FNIP1: variants seen among roughly 807,000 people sequenced by gnomAD.
FNIP1 encodes folliculin interacting protein 1.
In FNIP1, 40 loss-of-function variants were observed where a neutral mutation model predicts 124.5. The observed-to-expected ratio is 0.32, with a 90% CI of 0.25 to 0.42. The LOEUF is 0.42. Ranked by LOEUF, FNIP1 falls within the 10% of genes least tolerant of loss-of-function variation. FNIP1 has a pLI of 1.00. For missense variants in FNIP1, 1,176 were observed against 1,403.7 expected, an observed-to-expected ratio of 0.84 and a Z score of 2.59; for synonymous variants, 472 against 470.6, an observed-to-expected ratio of 1.00 and a Z score of -0.04.
chr5:131,651,256 G>A (rs1436765902), intron 16 of FNIP1, among the ~76,000 whole-genome samples: 1 of 152,094 alleles, frequency 6.6e-6, no homozygotes, highest in Non-Finnish European at 1.5e-5. Context: ...AGTCAGGTGT[G>A]GTAGCACGTG....
In FNIP1 at chr5:131,642,922, T is replaced by C. The variant is rs532860739; in HGVS notation, c.*1763A>G. ...ATGGCCCGCAAATGTATGAACTTTTTAATATTCTGAATTCTGCCAAAAAGA... is the reference window on the plus strand; with the variant it reads ...ATGGCCCGCAAATGTATGAACTTTTCAATATTCTGAATTCTGCCAAAAAGA... On this transcript the variant is annotated 3_prime_UTR_variant, in exon 18 of 18. Coordinates refer to ENST00000510461, the MANE Select transcript of FNIP1 (RefSeq NM_133372.3). 1.3e-5 allele frequency: 2 copies of C among 150,286 alleles called. No individual in the cohort carries two copies. The highest frequency in any genetic ancestry group is 4.2e-4 in the South Asian group (2 of 4,758). The allele number at this position is 150,286 out of a possible 1,614,324, so 9.3% of individuals were successfully genotyped here.
At chr5:131,662,194 T>C (rs898119847) in intron 15 of FNIP1, among the ~76,000 whole-genome samples, 10 of 152,168 alleles carry the variant, frequency 6.6e-5, no homozygotes, top group African/African-American at 2.4e-4. Flanking sequence ...CCCATCTCTA[T>C]AGGGCATTTG....
chr5:131,700,621 G>A (rs1768866794), intron 10 of FNIP1, among the ~76,000 whole-genome samples: 1 of 152,008 alleles, frequency 6.6e-6, no homozygotes, highest in South Asian at 2.1e-4. Flanking sequence ...GAATTTGGTA[G>A]TGTTCTTCCT....
chr5:131,667,509 T>A (rs777139833), intron 15 of FNIP1, among the ~76,000 whole-genome samples: 1 of 152,234 alleles, frequency 6.6e-6, no homozygotes, highest in African/African-American at 2.4e-5. Context: ...AACAATTGAC[T>A]GTTGCTCACT....
At chr5:131,685,699 C>T (rs547297461) in intron 11 of FNIP1, among the ~76,000 whole-genome samples, 9 of 152,008 alleles carry the variant, frequency 5.9e-5, no homozygotes, top group Non-Finnish European at 1.2e-4. Context: ...GATGTTCCAC[C>T]CTCCTCAGCC....
intron 1 of FNIP1, among the ~76,000 whole-genome samples, chr5:131,750,121 G>C (rs1234862168): frequency 2.6e-5 from 4 of 152,152 alleles, no homozygotes; most frequent in Non-Finnish European, 1.5e-5. Context: ...GCTTGAATTT[G>C]GATCAGACTG....
chr5:131,693,481 A>G (rs1231240188), intron 11 of FNIP1, among the ~76,000 whole-genome samples: 2 of 151,140 alleles, frequency 1.3e-5, no homozygotes, highest in Non-Finnish European at 2.9e-5. Flanking sequence ...TCAATTGAGA[A>G]AAGAAAGTAT....
At position 131,759,335 on chromosome 5, in the gene FNIP1, T is replaced by C. The variant is rs1232826565; in HGVS notation, c.93-14645A>G. The stretch of plus-strand genomic sequence containing the variant: ...AGACAACCAACAGAATGGGAGAACA[T>C]ATTCACAAACTGTGCATCTGACAAA... On this transcript the variant is annotated intron_variant, in intron 1 of 17. Coordinates refer to ENST00000510461, the MANE Select transcript of FNIP1 (RefSeq NM_133372.3). Among the ~76,000 whole-genome samples, 4 of 152,124 alleles carry C rather than the reference T, an allele frequency of 2.6e-5. No individual in the cohort carries two copies. The South Asian group carries it at 8.3e-4, about 32-fold the overall frequency.
chr5:131,779,229 G>A (rs1771914663), intron 1 of FNIP1, among the ~76,000 whole-genome samples: 1 of 151,596 alleles, frequency 6.6e-6, no homozygotes, highest in Non-Finnish European at 1.5e-5. Context: ...TGTGAACTCT[G>A]GGATCCTATT....
chr5:131,713,000 A>G (rs1769347662), intron 6 of FNIP1, among the ~76,000 whole-genome samples: 1 of 151,880 alleles, frequency 6.6e-6, no homozygotes, highest in Non-Finnish European at 1.5e-5. Flanking sequence ...CTTTTTTCCC[A>G]TGTAACACAC....
chr5:131,732,298 G>C (rs146301416), intron 2 of FNIP1, among the ~76,000 whole-genome samples: 5 of 152,294 alleles, frequency 3.3e-5, no homozygotes, highest in African/African-American at 1.2e-4. Context: ...CAAAGGCATT[G>C]TTAAAAATTA....
chr5:131,702,957 A>T (rs1768951736), intron 10 of FNIP1, among the ~76,000 whole-genome samples: 1 of 152,188 alleles, frequency 6.6e-6, no homozygotes, highest in African/African-American at 2.4e-5. Context: ...CTCTCTTGCC[A>T]ATCTCCATCA....
intron 1 of FNIP1, 98 bp downstream of exon 1, chr5:131,796,732 G>A (rs772749459): frequency 9.9e-5 from 113 of 1,141,798 alleles, no homozygotes; most frequent in Non-Finnish European, 9.4e-5. Context: ...TCGGCGCGGC[G>A]CTTCCGCTCG....
At chr5:131,759,452 C>T (rs747654225) in intron 1 of FNIP1, among the ~76,000 whole-genome samples, 2 of 152,102 alleles carry the variant, frequency 1.3e-5, no homozygotes, top group African/African-American at 2.4e-5. Context: ...TGCACTGACA[C>T]TTCTCAAAAG....
Position 131,714,244 on chromosome 5 carries a change from T to G in FNIP1, c.622+2321A>C, listed in dbSNP as rs149699333. On this transcript the variant is annotated intron_variant, in intron 6 of 17. Coordinates refer to ENST00000510461, the MANE Select transcript of FNIP1 (RefSeq NM_133372.3). ...CTTGCTAACCCTCCCTTGAACTGTATAGCGGGCTGAGACACTTCCAGTCAA... is the reference window on the plus strand; with the variant it reads ...CTTGCTAACCCTCCCTTGAACTGTAGAGCGGGCTGAGACACTTCCAGTCAA... Among the ~76,000 whole-genome samples the G allele has an allele frequency of 4.7e-3, 714 of 152,252 alleles. 9 individuals carry two copies. Among genetic ancestry groups the G allele is most frequent in the African/African-American group, 0.016 (678 of 41,530 alleles).
intron 1 of FNIP1, among the ~76,000 whole-genome samples, chr5:131,791,353 A>C (rs1222806218): frequency 6.6e-6 from 1 of 152,254 alleles, no homozygotes; most frequent in Non-Finnish European, 1.5e-5. Flanking sequence ...TAATAGAAGA[A>C]TAAGGCTGAT....
intron 1 of FNIP1, among the ~76,000 whole-genome samples, chr5:131,761,992 A>G (rs911902801): frequency 4.6e-5 from 7 of 152,206 alleles, no homozygotes; most frequent in African/African-American, 1.4e-4. Flanking sequence ...AGCTGCCAAG[A>G]ACATACATTT....
rs1443096063 is a variant in FNIP1 at position 131,716,488 on chromosome 5, A to G, written c.622+77T>C. ...TTTGTTATCATGACAGATCTGCATT[A>G]TTAAGGAATAACTTCAAAAAACACT... On this transcript the variant is annotated intron_variant, in intron 6 of 17. Coordinates refer to ENST00000510461, the MANE Select transcript of FNIP1 (RefSeq NM_133372.3). The G allele has an allele frequency of 3.3e-6, 3 of 914,578 alleles. No individual in the cohort carries two copies. The African/African-American group carries it at 5.1e-5, about 15-fold the overall frequency. The allele number at this position is 914,578 out of a possible 1,614,324, so 56.7% of individuals were successfully genotyped here. A position where few individuals can be genotyped will look rare whatever the true frequency, so the allele number is the denominator to read the frequency against.
chr5:131,712,219 A>G (rs1388475623), intron 6 of FNIP1, among the ~76,000 whole-genome samples: 1 of 152,214 alleles, frequency 6.6e-6, no homozygotes. Flanking sequence ...TAAGTCAGCT[A>G]GGACCCCAAT....
Sources: gnomAD v4.1 joint callset for allele counts (sites outside exome capture counted in the v4.1 genomes callset) on GRCh38, gnomAD v4.1.1 for gene constraint, MANE v1.5 for transcripts, NCBI Gene and HGNC (gene_info 2026-07-23, HGNC 2026-07-21) for gene names.